Variants in OLFML2A observed in about 807,000 individuals in gnomAD.
OLFML2A encodes the protein olfactomedin-like protein 2A.
OLFML2A carries 47 observed loss-of-function variants against 60.9 expected under a neutral mutation model. That is an observed-to-expected ratio of 0.77 (90% CI 0.61 to 0.98). The LOEUF (loss-of-function observed/expected upper bound fraction) is 0.98, where lower values mean the gene tolerates loss of function less well. Among genes scored for constraint, OLFML2A ranks in the 50% least tolerant of loss-of-function variants. OLFML2A has a pLI of 0.00. For missense variants in OLFML2A, 922 were observed against 879.8 expected, an observed-to-expected ratio of 1.05 and a Z score of -0.61; for synonymous variants, 372 against 375.0, an observed-to-expected ratio of 0.99 and a Z score of 0.09.
chr9:124,799,224 C>A (rs1376683141), intron 3 of OLFML2A, 61 bp from the exon 4 acceptor site: 1 of 1,243,952 alleles, frequency 8.0e-7, no homozygotes, highest in African/African-American at 1.5e-5. Context: ...GGTGTCCCTC[C>A]AGGCTAGGGG....
chr9:124,783,699 G>C (rs1446261198), intron 1 of OLFML2A, among the ~76,000 whole-genome samples: 2 of 152,174 alleles, frequency 1.3e-5, no homozygotes, highest in East Asian at 1.9e-4. Context: ...CAAAATGCAG[G>C]CTCATTTACC....
intron 6 of OLFML2A, among the ~76,000 whole-genome samples, chr9:124,807,511 A>G (rs959626636): frequency 2.6e-5 from 4 of 151,844 alleles, no homozygotes; most frequent in Admixed American, 1.3e-4. Context: ...TTGAACTCCT[A>G]ACCTCAGGTG....
chr9:124,798,026 G>A (rs768101607), intron 3 of OLFML2A, among the ~76,000 whole-genome samples: 6 of 152,134 alleles, frequency 3.9e-5, no homozygotes, highest in East Asian at 1.9e-4. Context: ...GAGAGGAGCC[G>A]GCACGGCCCA....
At chr9:124,801,794 C>T in intron 5 of OLFML2A, 131 bp downstream of exon 5, 1 of 1,027,690 alleles carries the variant, frequency 9.7e-7, no homozygotes, top group South Asian at 1.7e-5. Flanking sequence ...GTGCCCTCTG[C>T]TCATTCACAT....
intron 6 of OLFML2A, among the ~76,000 whole-genome samples, chr9:124,806,793 A>G (rs546434145): frequency 6.6e-6 from 1 of 151,378 alleles, no homozygotes; most frequent in Non-Finnish European, 1.5e-5. Flanking sequence ...TATTTTTAGT[A>G]GAGATGGGGT....
chr9:124,791,814 G>A (rs1013170286), intron 2 of OLFML2A, among the ~76,000 whole-genome samples: 6 of 151,358 alleles, frequency 4.0e-5, no homozygotes, highest in Admixed American at 1.3e-4. Context: ...GTTTTATTGT[G>A]AGAGTCAACA....
intron 1 of OLFML2A, among the ~76,000 whole-genome samples, chr9:124,786,292 G>A (rs140810527): frequency 1.5e-3 from 232 of 152,190 alleles, no homozygotes; most frequent in Non-Finnish European, 1.5e-3. Context: ...GCATGGTGGC[G>A]CATGCCTGTA....
At chr9:124,787,302 C>A in intron 2 of OLFML2A, 64 bp downstream of exon 2, 1 of 1,506,402 alleles carries the variant, frequency 6.6e-7, no homozygotes, top group Non-Finnish European at 9.1e-7. Context: ...GCTGTCCTGC[C>A]AGTGAAAATT....
rs546226398 is a variant in OLFML2A at position 124,804,089 on chromosome 9, T to C, written c.920-5T>C. On this transcript the variant is annotated splice_polypyrimidine_tract_variant and splice_region_variant and intron_variant, in intron 5 of 7. Coordinates refer to ENST00000373580, the MANE Select transcript of OLFML2A (RefSeq NM_182487.4). ...GATTTGAGCACAGGGGTCTTCTCTC[T>C]GCAGACAACACCCTCCAGGGCACTT... 142 of 1,613,854 alleles carry C rather than the reference T, an allele frequency of 8.8e-5. 1 individual carries two copies. In the South Asian group the frequency reaches 1.5e-3, roughly 17 times the overall value.
At chr9:124,802,312 C>T (rs1237324339) in intron 5 of OLFML2A, among the ~76,000 whole-genome samples, 1 of 152,238 alleles carries the variant, frequency 6.6e-6, no homozygotes, top group East Asian at 1.9e-4. Context: ...AGACCCGCCC[C>T]AGATGGCTGC....
chr9:124,796,898 C>T (rs1255286143), intron 3 of OLFML2A, among the ~76,000 whole-genome samples: 1 of 152,234 alleles, frequency 6.6e-6, no homozygotes, highest in African/African-American at 2.4e-5. Flanking sequence ...ATACACAGGA[C>T]AGTCCCCAAA....
intron 4 of OLFML2A, among the ~76,000 whole-genome samples, chr9:124,800,694 G>T (rs913232): frequency 6.6e-6 from 1 of 152,126 alleles, no homozygotes; most frequent in African/African-American, 2.4e-5. Context: ...TTCCGCAGGC[G>T]AGAATGAAGC....
At chr9:124,799,591 G>A (rs966132402) in intron 4 of OLFML2A, 100 bp downstream of exon 4, 64 of 1,003,880 alleles carry the variant, frequency 6.4e-5, no homozygotes, top group South Asian at 2.2e-4. Flanking sequence ...GGGGGTTTGG[G>A]GCTGTAAGAT....
intron 3 of OLFML2A, among the ~76,000 whole-genome samples, chr9:124,795,382 G>T (rs1178204105): frequency 6.6e-6 from 1 of 152,212 alleles, no homozygotes; most frequent in Non-Finnish European, 1.5e-5. Context: ...TGTATGAAAG[G>T]GGTTCAGAGG....
chr9:124,790,619 G>A (rs903075242), intron 2 of OLFML2A, among the ~76,000 whole-genome samples: 1 of 152,188 alleles, frequency 6.6e-6, no homozygotes, highest in Admixed American at 6.5e-5. Context: ...TTAGGATAAA[G>A]GGGGATTGAC....
Position 124,810,845 on chromosome 9 carries a change from C to A in OLFML2A, c.*433C>A. 1 of 164,390 alleles carries A rather than the reference C, an allele frequency of 6.1e-6. No individual in the cohort carries two copies. The allele number at this position is 164,390 out of a possible 1,614,324, so 10.2% of individuals were successfully genotyped here. A position where few individuals can be genotyped will look rare whatever the true frequency, so the allele number is the denominator to read the frequency against. ...CCATCTCCCCGGTCTCCCTTGTTCT[C>A]TCAACCCAGTCTCCCTTCCCAGGGC... is the stretch of plus-strand genomic sequence containing the variant. On this transcript the variant is annotated 3_prime_UTR_variant, in exon 8 of 8. Transcript: ENST00000373580.
In OLFML2A at chr9:124,810,084, A is replaced by G. The variant is rs1323920490; in HGVS notation, c.1631A>G (p.Gln544Arg). Residue 544 changes from glutamine (Q) to arginine (R), a missense_variant, in exon 8 of 8, where the codon CAG (glutamine) becomes CGG (arginine). Physicochemically the swap from Gln to Arg is conservative, Grantham distance 43. Transcript: ENST00000373580. Reference protein sequence around the residue: ...YPAVDDRDEAQPEVIVLSRLD... With the variant: ...YPAVDDRDEARPEVIVLSRLD... ...GCCGTGGACGACCGCGATGAGGCCC[A>G]GCCCGAGGTGATCGTCCTGAGTCGC... The G allele has an allele frequency of 1.2e-6, 2 of 1,613,876 alleles. No individual in the cohort carries two copies. The highest frequency in any genetic ancestry group is 3.3e-5 in the Admixed American group (2 of 60,014).
At chr9:124,789,434 C>T (rs1444890952) in intron 2 of OLFML2A, among the ~76,000 whole-genome samples, 1 of 152,152 alleles carries the variant, frequency 6.6e-6, no homozygotes, top group Non-Finnish European at 1.5e-5. Context: ...GCCAAGTTTC[C>T]CCGGCTCCAA....
chr9:124,809,189 G>T (rs1213971668), intron 7 of OLFML2A, among the ~76,000 whole-genome samples: 2 of 151,884 alleles, frequency 1.3e-5, no homozygotes, highest in East Asian at 1.9e-4. Context: ...AAAAATAAAG[G>T]CCTGGAACAA....
Sources: gnomAD v4.1 joint callset for allele counts (sites outside exome capture counted in the v4.1 genomes callset) on GRCh38, gnomAD v4.1.1 for gene constraint, MANE v1.5 for transcripts, NCBI Gene and HGNC (gene_info 2026-07-23, HGNC 2026-07-21) for gene names.